TET3: variants seen among roughly 807,000 people sequenced by gnomAD.
TET3 encodes methylcytosine dioxygenase TET3.
Under a neutral mutation model 141.4 loss-of-function variants are expected in TET3, and 19 were observed. That is an observed-to-expected ratio of 0.13 (90% confidence interval 0.09 to 0.20). TET3 has a LOEUF of 0.20. TET3 is among the 10% of genes least tolerant of loss of function. TET3 has a pLI of 1.00. For synonymous variants in TET3, 1,043 were observed against 980.9 expected (o/e 1.06, Z -1.18); for missense variants, 1,874 against 2,356.9 (o/e 0.80, Z 4.24).
chr2:74,112,953 G>A (rs1691737110), downstream of TET3, among the ~76,000 whole-genome samples: 2 of 134,494 alleles, frequency 1.5e-5, no homozygotes, highest in African/African-American at 2.8e-5. Context: ...GTTGCAGTGA[G>A]TGCAAATCTC....
In TET3 at chr2:74,047,636, A is replaced by G. The variant is rs1205025964; in HGVS notation, c.1719A>G (p.Arg573=). Residue 573 remains arginine (R), a synonymous_variant, in exon 4 of 12, where the codon AGA becomes AGG. Transcript: ENST00000409262. The part of the protein sequence containing the change: ...PSSPVPRLPD[R]PPKEKKKKLP... Reference sequence around the variant, plus strand: ...CACCTGTCCCACGGCTTCCAGACAGACCACCCAAGGAGAAGAAGAAGAAGC... The same window carrying G: ...CACCTGTCCCACGGCTTCCAGACAGGCCACCCAAGGAGAAGAAGAAGAAGC... 4.3e-6 allele frequency: 7 copies of G among 1,613,594 alleles called. No individual in the cohort carries two copies. The highest frequency in any genetic ancestry group is 5.9e-6 in the Non-Finnish European group (7 of 1,179,728).
chr2:74,028,087 G>A (rs1015912441), intron 3 of TET3, among the ~76,000 whole-genome samples: 2 of 151,866 alleles, frequency 1.3e-5, no homozygotes, highest in Admixed American at 6.6e-5. Context: ...GGGCTCAGGG[G>A]ATCCTCCTGC....
chr2:74,077,240 C>T (rs1415392728), intron 5 of TET3, among the ~76,000 whole-genome samples: 1 of 152,154 alleles, frequency 6.6e-6, no homozygotes, highest in Non-Finnish European at 1.5e-5. Flanking sequence ...CTTCAGTGGG[C>T]CTCAGAGTCT....
At chr2:74,120,450 G>T in the TET3 span, among the ~76,000 whole-genome samples, 56 of 152,348 alleles carry the variant, frequency 3.7e-4, no homozygotes, top group African/African-American at 1.3e-3. Context: ...CACCTACCCG[G>T]GGGGAACGTG....
Position 74,001,897 on chromosome 2 carries a change from G to C in TET3, c.304-1213G>C, listed in dbSNP as rs529255171. The stretch of plus-strand genomic sequence containing the variant: ...GGGGGTTACCTCCTGTAGCCTAAGA[G>C]TGGAGAACCCATTGTGGGGTGTTGG... On this transcript the variant is annotated intron_variant, in intron 2 of 11. Coordinates refer to ENST00000409262, the MANE Select transcript of TET3 (RefSeq NM_001287491.2). 2.0e-5 allele frequency among the ~76,000 whole-genome samples: 3 copies of C among 152,240 alleles called. No individual in the cohort carries two copies. In the South Asian group the frequency reaches 6.2e-4, roughly 32 times the overall value.
chr2:74,126,801 C>T, the TET3 span, among the ~76,000 whole-genome samples: 1 of 152,144 alleles, frequency 6.6e-6, no homozygotes, highest in Non-Finnish European at 1.5e-5. Flanking sequence ...CCACACCCAG[C>T]CTGGAATTTT....
intron 10 of TET3, among the ~76,000 whole-genome samples, chr2:74,094,814 C>T (rs1050977941): frequency 3.9e-5 from 6 of 151,994 alleles, no homozygotes; most frequent in African/African-American, 1.5e-4. Flanking sequence ...TAACATGGAC[C>T]GAGATGTAAG....
At chr2:74,016,816 TTTAA>T (rs1311110796) in intron 3 of TET3, among the ~76,000 whole-genome samples, 54 of 150,488 alleles carry the variant, frequency 3.6e-4, no homozygotes, top group East Asian at 1.2e-3. Flanking sequence ...GCTTTTACTA[TTTAA>T]TTGACACATA....
chr2:74,016,431 A>C (rs1252509929), intron 3 of TET3, among the ~76,000 whole-genome samples: 2 of 152,196 alleles, frequency 1.3e-5, no homozygotes, highest in African/African-American at 4.8e-5. Context: ...CATTATCCAA[A>C]AATGTAGGCC....
At chr2:74,066,876 G>T (rs1224046696) in intron 4 of TET3, among the ~76,000 whole-genome samples, 1 of 152,102 alleles carries the variant, frequency 6.6e-6, no homozygotes, top group African/African-American at 2.4e-5. Context: ...AGGGCAGAAG[G>T]TGGTCACCAA....
rs1687603548 is a variant in TET3 at position 74,046,110 on chromosome 2, G to C, written c.361-168G>C. ...TTGTTTCTGCTGGTGAAGCTCCCTA[G>C]GGAACCAGAGACATGGGAAGATGAA... On this transcript the variant is annotated intron_variant, in intron 3 of 11. Transcript: ENST00000409262. This position sits in a 1 kb window ranked among gnomAD's most constrained non-coding sequence, Gnocchi z 4.3. 6.6e-6 allele frequency among the ~76,000 whole-genome samples: 1 copy of C among 152,192 alleles called. No homozygotes were observed. Among genetic ancestry groups the C allele is most frequent in the Non-Finnish European group, 1.5e-5 (1 of 68,044 alleles).
chr2:74,058,930 T>C (rs1688354615), intron 4 of TET3, among the ~76,000 whole-genome samples: 1 of 152,240 alleles, frequency 6.6e-6, no homozygotes, highest in Non-Finnish European at 1.5e-5. Context: ...CTGTAAAGTT[T>C]TATGAAAACA....
In TET3 at chr2:74,033,371, AT is replaced by A. The variant is rs574236032; in HGVS notation, c.361-12901del. ...TAAATTGGGCAATATTTTGAATCCTATTTTTTCCCCCATTTCAAATATTATG... is the reference window on the plus strand; with the variant it reads ...TAAATTGGGCAATATTTTGAATCCTATTTTTCCCCCATTTCAAATATTATG... On this transcript the variant is annotated intron_variant, in intron 3 of 11. Transcript: ENST00000409262. 3.3e-4 allele frequency among the ~76,000 whole-genome samples: 50 copies of A among 152,216 alleles called. 1 individual carries two copies. In the South Asian group the frequency reaches 6.6e-3, roughly 20 times the overall value.
chr2:74,133,072 AT>A, the TET3 span, among the ~76,000 whole-genome samples: 5,300 of 105,134 alleles, frequency 0.05, 284 homozygotes, highest in African/African-American at 0.14. Context: ...TAATTTTTGT[AT>A]TTTTTTTTTT....
the TET3 span, among the ~76,000 whole-genome samples, chr2:74,127,303 T>C: frequency 6.6e-6 from 1 of 152,256 alleles, no homozygotes; most frequent in African/African-American, 2.4e-5. Flanking sequence ...GACAGACTAA[T>C]TTACAACTAT....
At chr2:74,037,101 G>C (rs1204332043) in intron 3 of TET3, among the ~76,000 whole-genome samples, 1 of 152,190 alleles carries the variant, frequency 6.6e-6, no homozygotes, top group African/African-American at 2.4e-5. Flanking sequence ...GAGGTGGCCA[G>C]TTTGGGTATG....
intron 3 of TET3, among the ~76,000 whole-genome samples, chr2:74,022,173 T>A (rs1301861912): frequency 6.6e-6 from 1 of 151,172 alleles, no homozygotes; most frequent in Non-Finnish European, 1.5e-5. Flanking sequence ...AATACATGTT[T>A]ATTGTAAAAC....
Position 74,048,347 on chromosome 2 carries a change from C to T in TET3, c.2430C>T (p.Thr810=), listed in dbSNP as rs1209614168. The change falls in exon 4 of 12, where the codon ACC becomes ACT. Residue 810 remains threonine (T), a synonymous_variant. Coordinates refer to ENST00000409262, the MANE Select transcript of TET3 (RefSeq NM_001287491.2). Reference sequence around the variant, plus strand: ...CTCTTAAGTACCTGGACACACCCACCAAGAGTCTGCTGGACACACCTGCCA... The same window carrying T: ...CTCTTAAGTACCTGGACACACCCACTAAGAGTCTGCTGGACACACCTGCCA... The part of the protein sequence containing the change: ...ESPLKYLDTP[T]KSLLDTPAKR... 4 of 1,613,766 alleles carry T rather than the reference C, an allele frequency of 2.5e-6. No individual in the cohort carries two copies. The highest frequency in any genetic ancestry group is 3.4e-6 in the Non-Finnish European group (4 of 1,179,860).
At chr2:74,022,509 A>T in intron 3 of TET3, among the ~76,000 whole-genome samples, 5 of 148,076 alleles carry the variant, frequency 3.4e-5, no homozygotes, top group African/African-American at 5.0e-5. Context: ...GTTTTTTGCC[A>T]AACTTTTTTT....
Sources: gnomAD v4.1 joint callset for allele counts (sites outside exome capture counted in the v4.1 genomes callset) on GRCh38, gnomAD v4.1.1 for gene constraint, Gnocchi (gnomAD v3.1) non-coding constraint, MANE v1.5 for transcripts, NCBI Gene and HGNC (gene_info 2026-07-23, HGNC 2026-07-21) for gene names.